The following AUTS2 variants were observed in gnomAD, a reference collection of about 807,000 sequenced individuals.
The protein encoded by AUTS2 is autism susceptibility gene 2 protein.
AUTS2 carries 17 observed loss-of-function variants against 112.4 expected under a neutral mutation model. That is an observed-to-expected ratio of 0.15 (90% confidence interval 0.10 to 0.23). The LOEUF is 0.23. AUTS2 is among the 10% of genes least tolerant of loss of function. The pLI, the probability that AUTS2 is intolerant of heterozygous loss-of-function variation, is 1.00. For synonymous variants in AUTS2, 751 were observed against 702.7 expected (o/e 1.07, Z -1.09); for missense variants, 1,510 against 1,701.6 (o/e 0.89, Z 1.98).
chr7:69,605,130 TC>T (rs1406584398), intron 1 of AUTS2, among the ~76,000 whole-genome samples: 1 of 152,234 alleles, frequency 6.6e-6, no homozygotes, highest in Non-Finnish European at 1.5e-5. Context: ...TGCATTGTAA[TC>T]TATAATCCAG....
At chr7:69,791,301 C>G (rs768716518) in intron 1 of AUTS2, among the ~76,000 whole-genome samples, 1 of 152,114 alleles carries the variant, frequency 6.6e-6, no homozygotes, top group Non-Finnish European at 1.5e-5. Context: ...GTGTTCCCTT[C>G]GAGCAACATG....
chr7:69,755,638 A>G (rs1369002010), intron 1 of AUTS2, among the ~76,000 whole-genome samples: 2 of 152,202 alleles, frequency 1.3e-5, no homozygotes, highest in Non-Finnish European at 2.9e-5. Flanking sequence ...CTTGCTAATT[A>G]CAGTATATTG....
chr7:70,109,846 G>A (rs970806169), intron 2 of AUTS2, among the ~76,000 whole-genome samples: 5 of 152,174 alleles, frequency 3.3e-5, no homozygotes, highest in Admixed American at 3.3e-4. Flanking sequence ...TTGCTGAGAG[G>A]AAGAGTCCAT....
chr7:70,113,469 A>AGTGT (rs1232511092), intron 2 of AUTS2, among the ~76,000 whole-genome samples: 1 of 152,192 alleles, frequency 6.6e-6, no homozygotes, highest in African/African-American at 2.4e-5. Flanking sequence ...CTTTGATGGT[A>AGTGT]GTGTAGTCTA....
At chr7:70,728,831 G>T (rs1459364030) in intron 6 of AUTS2, among the ~76,000 whole-genome samples, 1 of 152,020 alleles carries the variant, frequency 6.6e-6, no homozygotes, top group East Asian at 1.9e-4. Context: ...ATTTTTGTGT[G>T]TGTGGCCTGA....
intron 2 of AUTS2, among the ~76,000 whole-genome samples, chr7:69,979,939 G>GT (rs925961007): frequency 2.6e-5 from 4 of 152,178 alleles, no homozygotes; most frequent in African/African-American, 7.2e-5. Flanking sequence ...TTTACTGTAT[G>GT]TTTTTGTGTG....
chr7:70,208,018 A>G (rs964277536), intron 4 of AUTS2, among the ~76,000 whole-genome samples: 1 of 150,952 alleles, frequency 6.6e-6, no homozygotes, highest in African/African-American at 2.4e-5. Flanking sequence ...TCTCAAAAAA[A>G]AAAAAAAAAA....
chr7:69,747,016 G>A (rs1309943443), intron 1 of AUTS2, among the ~76,000 whole-genome samples: 2 of 152,194 alleles, frequency 1.3e-5, no homozygotes, highest in Non-Finnish European at 2.9e-5. Context: ...CGGAAAGATC[G>A]TGGCAGAAGC....
intron 4 of AUTS2, among the ~76,000 whole-genome samples, chr7:70,190,357 A>G (rs1033793831): frequency 6.6e-6 from 1 of 152,208 alleles, no homozygotes; most frequent in Non-Finnish European, 1.5e-5. Context: ...TTTTCTTTCA[A>G]ATATGATAAT....
Position 70,647,888 on chromosome 7 carries a change from A to G in AUTS2, c.691-50681A>G, listed in dbSNP as rs1050450948. The stretch of plus-strand genomic sequence containing the variant: ...TGGCTAAAGACAGGATTGTAGATCT[A>G]AGAAGTCCATTGTACTGATTAGTTT... On this transcript the variant is annotated intron_variant, in intron 5 of 18. Coordinates refer to ENST00000342771, the MANE Select transcript of AUTS2 (RefSeq NM_015570.4). 2.6e-5 allele frequency among the ~76,000 whole-genome samples: 4 copies of G among 152,220 alleles called. No individual in the cohort carries two copies. In the East Asian group the frequency reaches 5.8e-4, roughly 22 times the overall value.
At chr7:70,293,569 T>C (rs1364054274) in intron 4 of AUTS2, 1 of 152,086 alleles carries the variant, frequency 6.6e-6, no homozygotes, top group African/African-American at 2.4e-5. Context: ...AAATAAAACA[T>C]TGGTATAAAA....
chr7:69,777,244 C>T (rs142221696), intron 1 of AUTS2, among the ~76,000 whole-genome samples: 30 of 152,272 alleles, frequency 2.0e-4, no homozygotes, highest in African/African-American at 6.7e-4. Context: ...CCTCCTAACC[C>T]TTACCTTCTC....
chr7:70,292,899 T>C (rs900322670), intron 4 of AUTS2: 1 of 152,214 alleles, frequency 6.6e-6, no homozygotes, highest in Non-Finnish European at 1.5e-5. Flanking sequence ...AAGCAGTTTA[T>C]GGTTAACAAA....
chr7:70,763,353 G>T lies in AUTS2; in HGVS notation c.1214+12G>T, dbSNP rs763194253. On this transcript the variant is annotated intron_variant, in intron 7 of 18. Coordinates refer to ENST00000342771, the MANE Select transcript of AUTS2 (RefSeq NM_015570.4). Reference sequence around the variant, plus strand: ...CTCAACAGTTTAAGGTGAGTGGCCTGCTCTTCTTTGGCCTGACTTTTGCCC... The same window carrying T: ...CTCAACAGTTTAAGGTGAGTGGCCTTCTCTTCTTTGGCCTGACTTTTGCCC... The T allele has an allele frequency of 6.5e-7, 1 of 1,531,764 alleles. No homozygotes were observed. The highest frequency in any genetic ancestry group is 8.8e-7 in the Non-Finnish European group (1 of 1,136,278). 94.9% of individuals were successfully genotyped at this position (1,531,764 alleles called of 1,614,324 possible).
intron 5 of AUTS2, among the ~76,000 whole-genome samples, chr7:70,646,620 C>A (rs1016786514): frequency 6.6e-6 from 1 of 152,250 alleles, no homozygotes; most frequent in East Asian, 1.9e-4. Flanking sequence ...TCTTTATGCC[C>A]AAGAACACTG....
At chr7:70,053,544 G>GTTT (rs200867539) in intron 2 of AUTS2, among the ~76,000 whole-genome samples, 16 of 127,836 alleles carry the variant, frequency 1.3e-4, no homozygotes, top group African/African-American at 1.9e-4. Flanking sequence ...GTTTTGGGTG[G>GTTT]TTTTTTTTTT....
At chr7:69,629,540 T>G (rs1409922799) in intron 1 of AUTS2, among the ~76,000 whole-genome samples, 1 of 152,218 alleles carries the variant, frequency 6.6e-6, no homozygotes, top group Non-Finnish European at 1.5e-5. Context: ...AGGAAGACAT[T>G]TTAATGAGAT....
chr7:70,014,989 T>C (rs1003945657), intron 2 of AUTS2, among the ~76,000 whole-genome samples: 6 of 152,204 alleles, frequency 3.9e-5, no homozygotes, highest in African/African-American at 7.2e-5. Context: ...AATGAGAAAA[T>C]TATGAGCATA....
chr7:70,170,032 A>G (rs527329218), intron 4 of AUTS2, among the ~76,000 whole-genome samples: 49 of 151,784 alleles, frequency 3.2e-4, no homozygotes, highest in Non-Finnish European at 5.3e-4. Context: ...AAAAACATTC[A>G]TTTGCTGGGA....
Sources: gnomAD v4.1 joint callset for allele counts (sites outside exome capture counted in the v4.1 genomes callset) on GRCh38, gnomAD v4.1.1 for gene constraint, MANE v1.5 for transcripts, NCBI Gene and HGNC (gene_info 2026-07-23, HGNC 2026-07-21) for gene names.